The following DPP6 variants were observed in gnomAD, a reference collection of about 807,000 sequenced individuals.
The protein encoded by DPP6 is A-type potassium channel modulatory protein DPP6.
DPP6 carries 69 observed loss-of-function variants against 122.6 expected under a neutral mutation model. That is an observed-to-expected ratio of 0.56 (90% confidence interval 0.46 to 0.69). DPP6 has a LOEUF of 0.69. DPP6 is among the 30% of genes least tolerant of loss of function. DPP6 has a pLI of 0.00. For missense variants in DPP6, 928 were observed against 1,116.9 expected (o/e 0.83, Z 2.41); for synonymous variants, 418 against 433.1 (o/e 0.97, Z 0.43).
chr7:154,721,937 G>A (rs559724107), intron 7 of DPP6, among the ~76,000 whole-genome samples: 5 of 151,882 alleles, frequency 3.3e-5, no homozygotes, highest in African/African-American at 1.2e-4. Context: ...AGCCAAGGCA[G>A]GAGGATCACT....
At chr7:153,824,386 CAAAA>C in the DPP6 span, among the ~76,000 whole-genome samples, 1 of 79,438 alleles carries the variant, frequency 1.3e-5, no homozygotes, top group Non-Finnish European at 2.3e-5. Flanking sequence ...GAGTCTGTCT[CAAAA>C]AAAAAAAAAA....
At chr7:154,531,425 A>T (rs1272335917) in intron 3 of DPP6, among the ~76,000 whole-genome samples, 1 of 152,200 alleles carries the variant, frequency 6.6e-6, no homozygotes, top group Non-Finnish European at 1.5e-5. Flanking sequence ...CTGGAAATCT[A>T]TATTCACAGA....
chr7:153,813,502 T>C, the DPP6 span, among the ~76,000 whole-genome samples: 1 of 152,142 alleles, frequency 6.6e-6, no homozygotes, highest in Non-Finnish European at 1.5e-5. Context: ...GCATGTGTCT[T>C]TATAGCAGCA....
At chr7:154,363,528 G>T (rs1288485011) in intron 1 of DPP6, among the ~76,000 whole-genome samples, 1 of 152,166 alleles carries the variant, frequency 6.6e-6, no homozygotes, top group Non-Finnish European at 1.5e-5. Context: ...CAAACAGAAG[G>T]CTTGCAAGTT....
chr7:153,994,483 G>T (rs1250714548), intron 1 of DPP6, among the ~76,000 whole-genome samples: 3 of 151,974 alleles, frequency 2.0e-5, no homozygotes, highest in African/African-American at 7.2e-5. Flanking sequence ...TAACCTTTGT[G>T]CCCTGGTTAG....
chr7:154,794,613 C>T (rs1480192245), intron 11 of DPP6, among the ~76,000 whole-genome samples: 1 of 152,210 alleles, frequency 6.6e-6, no homozygotes, highest in Non-Finnish European at 1.5e-5. Context: ...TCCAGGCGTG[C>T]GTCCCTCCCC....
At chr7:153,970,775 C>T (rs900659503) in intron 1 of DPP6, among the ~76,000 whole-genome samples, 1 of 152,078 alleles carries the variant, frequency 6.6e-6, no homozygotes, top group Non-Finnish European at 1.5e-5. Context: ...CTTTTACTTG[C>T]ACTTTTATTG....
At chr7:154,053,270 G>A (rs867749568) in intron 1 of DPP6, among the ~76,000 whole-genome samples, 1 of 151,578 alleles carries the variant, frequency 6.6e-6, no homozygotes, top group South Asian at 2.1e-4. Context: ...CTGCAGCCGC[G>A]GCGGCCGGGA....
intron 1 of DPP6, among the ~76,000 whole-genome samples, chr7:154,377,495 G>A (rs1002793642): frequency 2.0e-5 from 3 of 152,202 alleles, no homozygotes; most frequent in African/African-American, 4.8e-5. Context: ...ATGTTGAATT[G>A]TAATCCCTAG....
intron 1 of DPP6, among the ~76,000 whole-genome samples, chr7:154,384,576 A>G (rs867254655): frequency 6.6e-6 from 1 of 152,150 alleles, no homozygotes; most frequent in Non-Finnish European, 1.5e-5. Flanking sequence ...CTGTTGTCAC[A>G]CTGCCTCTCT....
intron 1 of DPP6, among the ~76,000 whole-genome samples, chr7:154,183,958 C>CCACTCTGAAATA (rs1295349728): frequency 2.0e-5 from 3 of 152,214 alleles, no homozygotes; most frequent in Admixed American, 2.0e-4. Context: ...ATTGCCTAAA[C>CCACTCTGAAATA]CACTCTGAAA....
intron 3 of DPP6, among the ~76,000 whole-genome samples, chr7:154,496,239 A>G (rs1012855116): frequency 1.3e-5 from 2 of 152,166 alleles, no homozygotes; most frequent in African/African-American, 4.8e-5. Flanking sequence ...CACCTCTTAA[A>G]CATACTACAT....
chr7:153,915,757 G>A (rs1055228143), intron 1 of DPP6, among the ~76,000 whole-genome samples: 1 of 152,112 alleles, frequency 6.6e-6, no homozygotes, highest in African/African-American at 2.4e-5. Flanking sequence ...GGGTGTGAAA[G>A]GTTCTGATGC....
chr7:154,370,852 G>T (rs1000691061), intron 1 of DPP6, among the ~76,000 whole-genome samples: 1 of 152,146 alleles, frequency 6.6e-6, no homozygotes, highest in African/African-American at 2.4e-5. Flanking sequence ...CATTCTGTAG[G>T]AAAGTGAGTG....
At chr7:153,911,166 T>C (rs997193264) in intron 1 of DPP6, among the ~76,000 whole-genome samples, 2 of 152,044 alleles carry the variant, frequency 1.3e-5, no homozygotes, top group East Asian at 3.9e-4. Context: ...GCACATTGAG[T>C]CTTATTGAGT....
At chr7:154,421,218 G>A (rs961689656) in intron 1 of DPP6, among the ~76,000 whole-genome samples, 2 of 152,114 alleles carry the variant, frequency 1.3e-5, no homozygotes, top group African/African-American at 4.8e-5. Context: ...GCATGGGGCA[G>A]TAACCAGAAA....
At chr7:154,792,912 C>T (rs1393419465) in intron 10 of DPP6, among the ~76,000 whole-genome samples, 1 of 152,178 alleles carries the variant, frequency 6.6e-6, no homozygotes, top group Non-Finnish European at 1.5e-5. Context: ...CCCTCACCTG[C>T]TTGCCGCTGT....
At chr7:153,934,111 C>T (rs1801309886) in intron 1 of DPP6, among the ~76,000 whole-genome samples, 1 of 152,178 alleles carries the variant, frequency 6.6e-6, no homozygotes, top group Admixed American at 6.5e-5. Context: ...TCTCTAAGGA[C>T]TGCTCTCAGG....
chr7:154,564,866 C>G (rs1830643508), intron 4 of DPP6, among the ~76,000 whole-genome samples: 1 of 152,210 alleles, frequency 6.6e-6, no homozygotes, highest in Non-Finnish European at 1.5e-5. Context: ...AAGCACTATT[C>G]TGCTTTCTCA....
Sources: allele counts gnomAD v4.1 joint callset (sites outside exome capture counted in the v4.1 genomes callset), GRCh38; gene constraint gnomAD v4.1.1; transcripts MANE v1.5; gene names NCBI Gene and HGNC (gene_info 2026-07-23, HGNC 2026-07-21).